Variants in TENM2 observed in about 807,000 individuals in gnomAD.
TENM2 encodes the protein teneurin transmembrane protein 2.
TENM2 carries 52 observed loss-of-function variants against 245.2 expected under a neutral mutation model. The observed-to-expected ratio is 0.21, with a 90% CI of 0.17 to 0.27. The LOEUF (loss-of-function observed/expected upper bound fraction) is 0.27. TENM2 is among the 10% of genes least tolerant of loss of function. The pLI, the probability that TENM2 is intolerant of heterozygous loss-of-function variation, is 1.00. For missense variants in TENM2, 3,046 were observed against 3,666.8 expected, an observed-to-expected ratio of 0.83 and a Z score of 4.37; for synonymous variants, 1,363 against 1,438.9, an observed-to-expected ratio of 0.95 and a Z score of 1.19.
At chr5:168,019,453 G>C (rs184486956) in intron 5 of TENM2, among the ~76,000 whole-genome samples, 138 of 152,304 alleles carry the variant, frequency 9.1e-4, no homozygotes, top group African/African-American at 3.2e-3. Flanking sequence ...GGCAGGCAGA[G>C]AGGAGAGGAG....
chr5:167,921,677 AG>A (rs1199986087), intron 3 of TENM2, among the ~76,000 whole-genome samples: 1 of 152,230 alleles, frequency 6.6e-6, no homozygotes, highest in Non-Finnish European at 1.5e-5. Context: ...GGAAGAGAGA[AG>A]TTCTTAATGT....
chr5:167,544,130 C>G (rs942652188), intron 2 of TENM2, among the ~76,000 whole-genome samples: 2 of 152,102 alleles, frequency 1.3e-5, no homozygotes, highest in African/African-American at 4.8e-5. Flanking sequence ...AGTAACTGTA[C>G]TGGGAGGAGG....
the TENM2 span, among the ~76,000 whole-genome samples, chr5:167,072,594 A>G: frequency 0.63 from 96,513 of 152,108 alleles, 32,955 homozygotes; most frequent in African/African-American, 0.91. Context: ...GTGCTTTCAC[A>G]GAATTTTATA....
At chr5:167,454,141 G>C (rs1765766831) in intron 2 of TENM2, among the ~76,000 whole-genome samples, 1 of 152,104 alleles carries the variant, frequency 6.6e-6, no homozygotes, top group African/African-American at 2.4e-5. Context: ...TTAAAGGCAT[G>C]ACAGAGGAGT....
intron 1 of TENM2, among the ~76,000 whole-genome samples, chr5:167,338,312 C>T (rs1196209535): frequency 2.0e-5 from 3 of 152,126 alleles, no homozygotes; most frequent in African/African-American, 4.8e-5. Context: ...TTTATCAACC[C>T]TAACAATGAA....
At chr5:167,060,576 G>A in the TENM2 span, among the ~76,000 whole-genome samples, 1 of 151,144 alleles carries the variant, frequency 6.6e-6, no homozygotes, top group Non-Finnish European at 1.5e-5. Context: ...ACTTGAACTG[G>A]GGAGGTGGAG....
At chr5:167,166,519 C>T in the TENM2 span, among the ~76,000 whole-genome samples, 41 of 152,068 alleles carry the variant, frequency 2.7e-4, no homozygotes, top group African/African-American at 8.4e-4. Context: ...GTTTTTTAAA[C>T]TGTAAAAGAA....
chr5:167,378,415 G>T, intron 2 of TENM2, among the ~76,000 whole-genome samples: 1 of 142,998 alleles, frequency 7.0e-6, no homozygotes, highest in African/African-American at 2.6e-5. Context: ...ACACCATAGT[G>T]CTTCATCCTA....
At chr5:167,109,523 T>G in the TENM2 span, among the ~76,000 whole-genome samples, 2 of 152,174 alleles carry the variant, frequency 1.3e-5, no homozygotes, top group Admixed American at 6.5e-5. Flanking sequence ...CTATAAACCC[T>G]TTAAATACAA....
chr5:167,607,026 C>A (rs1777103153), intron 2 of TENM2, among the ~76,000 whole-genome samples: 1 of 152,084 alleles, frequency 6.6e-6, no homozygotes, highest in African/African-American at 2.4e-5. Context: ...GAAGGCAATC[C>A]AGCAAGAGGG....
chr5:167,367,085 A>G (rs10516032), intron 1 of TENM2, among the ~76,000 whole-genome samples: 9,261 of 152,184 alleles, frequency 0.061, 355 homozygotes, highest in Non-Finnish European at 0.093. Context: ...ATGCCACCAC[A>G]TCAGAGGAGA....
chr5:166,991,918 G>T, the TENM2 span, among the ~76,000 whole-genome samples: 1 of 152,030 alleles, frequency 6.6e-6, no homozygotes, highest in African/African-American at 2.4e-5. Context: ...TTCATAGTTG[G>T]TTTGGTTCTC....
chr5:167,801,112 ATATAT>A (rs1561795693), intron 2 of TENM2, among the ~76,000 whole-genome samples: 2,002 of 50,558 alleles, frequency 0.04, 18 homozygotes, highest in Non-Finnish European at 0.052. Context: ...AAAAAAAAAT[ATATAT>A]ATATATATAT....
chr5:167,620,537 T>A (rs1778090494), intron 2 of TENM2, among the ~76,000 whole-genome samples: 1 of 150,012 alleles, frequency 6.7e-6, no homozygotes, highest in African/African-American at 2.5e-5. Context: ...TGGCTAAAAC[T>A]TTGCTTTTTG....
In TENM2 at chr5:167,827,634, G is replaced by GGGC. The variant is rs1554126514; in HGVS notation, c.503-48350_503-48349insCGG. Among the ~76,000 whole-genome samples, 7 of 114,814 alleles carry GGGC rather than the reference G, an allele frequency of 6.1e-5. 1 individual carries two copies. The highest frequency in any genetic ancestry group is 8.4e-3 in the Middle Eastern group (2 of 238). The allele number at this position is 114,814 out of a possible 152,430, so 75.3% of individuals were successfully genotyped here. A position where few individuals can be genotyped will look rare whatever the true frequency, so the allele number is the denominator to read the frequency against. ...TGGCAAGGAGCTAGGTGGGCGGGGGGGGGGGAACAGTTTAATGAGCGTGAA... is the reference window on the plus strand; with the variant it reads ...TGGCAAGGAGCTAGGTGGGCGGGGGGGGCGGGGGAACAGTTTAATGAGCGTGAA... On this transcript the variant is annotated intron_variant, in intron 2 of 28. Coordinates refer to ENST00000518659, the Ensembl canonical transcript of TENM2.
intron 4 of TENM2, among the ~76,000 whole-genome samples, chr5:167,982,822 A>C (rs1782944655): frequency 6.6e-6 from 1 of 152,212 alleles, no homozygotes; most frequent in Non-Finnish European, 1.5e-5. Context: ...GAAACAAGAC[A>C]AAAACAAATG....
At chr5:167,516,563 G>A (rs941555608) in intron 2 of TENM2, among the ~76,000 whole-genome samples, 12 of 152,056 alleles carry the variant, frequency 7.9e-5, no homozygotes, top group African/African-American at 2.9e-4. Context: ...ACAAAGACGT[G>A]GATGTCCTTT....
chr5:167,765,077 A>AT (rs1762920606), intron 2 of TENM2, among the ~76,000 whole-genome samples: 1 of 152,050 alleles, frequency 6.6e-6, no homozygotes, highest in African/African-American at 2.4e-5. Context: ...GCCTTATTGC[A>AT]TTTTTCACTC....
chr5:167,283,915 G>C (rs1317486498), upstream of TENM2, among the ~76,000 whole-genome samples: 3 of 152,088 alleles, frequency 2.0e-5, no homozygotes, highest in Admixed American at 2.0e-4. Context: ...GGGGCTCCCT[G>C]GTTGCCAGTT....
Sources: gnomAD v4.1 joint callset for allele counts (sites outside exome capture counted in the v4.1 genomes callset) on GRCh38, gnomAD v4.1.1 for gene constraint, MANE v1.5 for transcripts, NCBI Gene and HGNC (gene_info 2026-07-23, HGNC 2026-07-21) for gene names.